NUP155: variants seen among roughly 807,000 people sequenced by gnomAD.
NUP155 encodes the protein nucleoporin 155.
Under a neutral mutation model 180.4 loss-of-function variants are expected in NUP155, and 71 were observed. The observed-to-expected ratio is 0.39, with a 90% confidence interval of 0.33 to 0.48. NUP155 has a LOEUF of 0.48. Ranked by LOEUF, NUP155 falls within the 20% of genes least tolerant of loss-of-function variation. The pLI is 0.91. For missense variants in NUP155, 1,553 were observed against 1,648.9 expected, an observed-to-expected ratio of 0.94 and a Z score of 1.01; for synonymous variants, 582 against 559.5, an observed-to-expected ratio of 1.04 and a Z score of -0.57.
At chr5:37,302,739 G>A (rs1278870157) in intron 29 of NUP155, 40 bp downstream of exon 29, 1 of 1,607,910 alleles carries the variant, frequency 6.2e-7, no homozygotes, top group East Asian at 2.2e-5. Flanking sequence ...TATGTGGCTA[G>A]TACTCAATGT....
rs1393752234 is a variant in NUP155, at chr5:37,323,928, AT to A, written c.2207+63del. ...AAAGGACCAACTTTGTAGTATGTAA[AT>A]CATCTCAACAAAAAATACAACGAAA... On this transcript the variant is annotated intron_variant, in intron 20 of 34. Transcript: ENST00000231498. 4 of 1,155,686 alleles carry A rather than the reference AT, an allele frequency of 3.5e-6. No individual in the cohort carries two copies. In the African/African-American group the frequency reaches 6.1e-5, roughly 18 times the overall value. The allele number at this position is 1,155,686 out of a possible 1,614,324, so 71.6% of individuals were successfully genotyped here. A position where few individuals can be genotyped will look rare whatever the true frequency, so the allele number is the denominator to read the frequency against.
intron 3 of NUP155, among the ~76,000 whole-genome samples, chr5:37,363,466 T>C (rs184514732): frequency 2.6e-4 from 39 of 152,310 alleles, no homozygotes; most frequent in Non-Finnish European, 4.9e-4. Flanking sequence ...ACATATAATT[T>C]ACACACGGGT....
At chr5:37,327,507 C>T in intron 18 of NUP155, 122 bp downstream of exon 18, 2 of 1,016,778 alleles carry the variant, frequency 2.0e-6, no homozygotes, top group East Asian at 2.5e-5. Context: ...TATTGATCAA[C>T]AAGTGAGCTA....
chr5:37,311,421 T>C (rs371634079), intron 22 of NUP155, among the ~76,000 whole-genome samples: 11 of 152,094 alleles, frequency 7.2e-5, no homozygotes, highest in South Asian at 4.1e-4. Context: ...AAACTCAAAA[T>C]TATTATTCTA....
chr5:37,342,428 T>A, intron 10 of NUP155, 121 bp downstream of exon 10: 1 of 659,122 alleles, frequency 1.5e-6, no homozygotes, highest in Non-Finnish European at 2.7e-6. Context: ...TTTTACAAAC[T>A]ATTTATATGG....
At chr5:37,349,800 C>T (rs1167732487) in intron 7 of NUP155, among the ~76,000 whole-genome samples, 1 of 152,044 alleles carries the variant, frequency 6.6e-6, no homozygotes, top group East Asian at 1.9e-4. Context: ...TCATTAAAAG[C>T]TAAGATATAT....
Position 37,325,852 on chromosome 5 carries a change from C to A in NUP155, c.2091+49G>T, listed in dbSNP as rs181031337. On this transcript the variant is annotated intron_variant, in intron 19 of 34. Transcript: ENST00000231498. ...ATGTGAAACAATCTAACCATTTATACCATCAACTGGCTACACAAAAATAAC... is the reference window on the plus strand; with the variant it reads ...ATGTGAAACAATCTAACCATTTATAACATCAACTGGCTACACAAAAATAAC... The A allele has an allele frequency of 2.6e-4, 288 of 1,096,626 alleles. 1 individual carries two copies. The highest frequency in any genetic ancestry group is 2.8e-4 in the Non-Finnish European group (202 of 715,076). 67.9% of individuals were successfully genotyped at this position (1,096,626 alleles called of 1,614,324 possible). A position where few individuals can be genotyped will look rare whatever the true frequency, so the allele number is the denominator to read the frequency against.
chr5:37,303,205 AGT>A (rs2150942936), intron 28 of NUP155, 53 bp downstream of exon 28: 1 of 1,586,124 alleles, frequency 6.3e-7, no homozygotes, highest in East Asian at 2.2e-5. Context: ...ACTGAATGTA[AGT>A]ACATATAGCT....
At chr5:37,365,026 G>C (rs553987359) in intron 1 of NUP155, among the ~76,000 whole-genome samples, 1 of 151,908 alleles carries the variant, frequency 6.6e-6, no homozygotes, top group African/African-American at 2.4e-5. Flanking sequence ...CACTTTGGGA[G>C]GCCGAGGTAG....
intron 1 of NUP155, among the ~76,000 whole-genome samples, chr5:37,369,719 T>C (rs1158279336): frequency 1.3e-5 from 2 of 152,214 alleles, no homozygotes; most frequent in African/African-American, 4.8e-5. Context: ...TCAATGATTT[T>C]TATAAATAAT....
chr5:37,339,188 G>GT (rs1460131262), intron 11 of NUP155, among the ~76,000 whole-genome samples: 1 of 151,388 alleles, frequency 6.6e-6, no homozygotes, highest in Non-Finnish European at 1.5e-5. Context: ...GGGCAATAAA[G>GT]TAAGACCTTG....
rs775438210 is a variant in NUP155, at chr5:37,302,923, G to A, written c.3318-15C>T. On this transcript the variant is annotated splice_polypyrimidine_tract_variant and intron_variant, in intron 28 of 34. Transcript: ENST00000231498. The stretch of plus-strand genomic sequence containing the variant: ...AAATTTCTGTGCTAGAAGGGAAAAC[G>A]CTTATTTTTAGTTACACAATTTCTT... 11 of 1,610,922 alleles carry A rather than the reference G, an allele frequency of 6.8e-6. No homozygotes were observed. Among genetic ancestry groups the A allele is most frequent in the Middle Eastern group, 1.7e-4 (1 of 6,048 alleles).
chr5:37,300,340 A>C (rs1028044583), intron 30 of NUP155, among the ~76,000 whole-genome samples: 4 of 152,218 alleles, frequency 2.6e-5, no homozygotes, highest in African/African-American at 9.6e-5. Context: ...TATTGACTAT[A>C]GTCACCCTAT....
At chr5:37,298,541 C>T (rs1409432231) in intron 32 of NUP155, among the ~76,000 whole-genome samples, 2 of 152,114 alleles carry the variant, frequency 1.3e-5, no homozygotes, top group African/African-American at 4.8e-5. Context: ...TCACAGATTA[C>T]CTATGCACAA....
Position 37,333,592 on chromosome 5 carries a change from C to G in NUP155, c.1389G>C (p.Ala463=), listed in dbSNP as rs142662644. Residue 463 remains alanine, a synonymous_variant, in exon 13 of 35, where the codon GCG becomes GCC. Transcript: ENST00000231498. ...TTTTATCTACTTTCAATTCATCTAT[C>G]GCAGAAAGAGCCCAGGAATGACCAT... ...GVDGHSWALS[A]IDELKVDKII... 7.4e-6 allele frequency: 12 copies of G among 1,613,586 alleles called. No homozygotes were observed. The Admixed American group carries it at 2.0e-4, about 27-fold the overall frequency.
chr5:37,314,346 T>C lies in NUP155; in HGVS notation c.2306-18A>G. The C allele has an allele frequency of 2.6e-6, 4 of 1,543,212 alleles. No homozygotes were observed. The highest frequency in any genetic ancestry group is 3.6e-6 in the Non-Finnish European group (4 of 1,121,482). Reference sequence around the variant, plus strand: ...TTGAGCCTCTAATGAGAAAACAAAATAAATTATTATAAAATAACATAGGTT... The same window carrying C: ...TTGAGCCTCTAATGAGAAAACAAAACAAATTATTATAAAATAACATAGGTT... On this transcript the variant is annotated intron_variant, in intron 21 of 34. Transcript: ENST00000231498.
chr5:37,315,132 T>G (rs1316981091), intron 21 of NUP155, among the ~76,000 whole-genome samples: 1 of 152,228 alleles, frequency 6.6e-6, no homozygotes, highest in Non-Finnish European at 1.5e-5. Flanking sequence ...CTTGAGAGGC[T>G]GAGGCAGGAG....
intron 19 of NUP155, 90 bp from the exon 20 acceptor site, chr5:37,324,197 CTA>C (rs1336556462): frequency 6.3e-6 from 5 of 792,366 alleles, no homozygotes; most frequent in Admixed American, 2.0e-5. Context: ...ATGAGTATCT[CTA>C]TAGTTATTTC....
chr5:37,350,286 G>A (rs1312550445), intron 6 of NUP155, 21 bp from the exon 7 acceptor site: 1 of 1,535,288 alleles, frequency 6.5e-7, no homozygotes, highest in African/African-American at 1.4e-5. Context: ...AAAGTAGAAA[G>A]ACGACTTATA....
Sources: allele counts gnomAD v4.1 joint callset (sites outside exome capture counted in the v4.1 genomes callset), GRCh38; gene constraint gnomAD v4.1.1; transcripts MANE v1.5; gene names NCBI Gene and HGNC (gene_info 2026-07-23, HGNC 2026-07-21).